IGFL2: variants seen among roughly 807,000 people sequenced by gnomAD.
IGFL2 encodes IGF like family member 2, also known as insulin growth factor-like family member 2.
In IGFL2, 7 loss-of-function variants were observed where a neutral mutation model predicts 13.9. The observed-to-expected ratio is 0.51, with a 90% CI of 0.29 to 0.95. IGFL2 has a LOEUF of 0.95. Ranked by LOEUF, IGFL2 falls within the 40% of genes least tolerant of loss-of-function variation. The pLI is 0.08. For synonymous variants in IGFL2, 55 were observed against 55.8 expected, an observed-to-expected ratio of 0.99 and a Z score of 0.07; for missense variants, 138 against 147.8, an observed-to-expected ratio of 0.93 and a Z score of 0.34.
At chr19:46,153,737 A>G (rs532061198) in intron 1 of IGFL2, among the ~76,000 whole-genome samples, 5 of 151,400 alleles carry the variant, frequency 3.3e-5, no homozygotes, top group Non-Finnish European at 5.9e-5. Flanking sequence ...CTGGATCGCT[A>G]ACTACTCCAG....
At chr19:46,162,240 A>C, downstream of IGFL2, among the ~76,000 whole-genome samples, 1 of 152,076 alleles carries the variant, frequency 6.6e-6, no homozygotes, top group East Asian at 1.9e-4. Context: ...TTTCATTTCA[A>C]CCTTGGAAAA....
At chr19:46,097,301 G>A in the IGFL2 span, among the ~76,000 whole-genome samples, 5 of 152,098 alleles carry the variant, frequency 3.3e-5, no homozygotes, top group African/African-American at 1.2e-4. Flanking sequence ...GTTTATTTGC[G>A]TAGAGGTGTT....
the IGFL2 span, among the ~76,000 whole-genome samples, chr19:46,180,863 C>T: frequency 3.3e-5 from 5 of 152,178 alleles, no homozygotes; most frequent in African/African-American, 1.2e-4. Context: ...AAGGCCTGGA[C>T]GACTCAGCAA....
the IGFL2 span, among the ~76,000 whole-genome samples, chr19:46,132,452 G>T: frequency 7.2e-5 from 11 of 152,312 alleles, no homozygotes; most frequent in African/African-American, 2.6e-4. Context: ...CGTGCTGTCA[G>T]TTCTCTCCTT....
chr19:46,137,325 T>C, the IGFL2 span: 1 of 1,087,270 alleles, frequency 9.2e-7, no homozygotes, highest in Non-Finnish European at 1.4e-6. Flanking sequence ...CTCATTTATC[T>C]GAGAAGCTTG....
chr19:46,154,149 C>T (rs924749728), intron 1 of IGFL2, among the ~76,000 whole-genome samples: 1 of 152,100 alleles, frequency 6.6e-6, no homozygotes, highest in African/African-American at 2.4e-5. Flanking sequence ...CATCCATGTC[C>T]CTGCAAAGGA....
the IGFL2 span, among the ~76,000 whole-genome samples, chr19:46,105,518 A>G: frequency 6.6e-6 from 1 of 152,130 alleles, no homozygotes; most frequent in Non-Finnish European, 1.5e-5. Context: ...GATCAGAGAG[A>G]TACAGTTATG....
the IGFL2 span, among the ~76,000 whole-genome samples, chr19:46,134,685 G>A: frequency 6.6e-6 from 1 of 152,188 alleles, no homozygotes; most frequent in African/African-American, 2.4e-5. Context: ...AGAATCTAAT[G>A]CTCCTACTGA....
the IGFL2 span, among the ~76,000 whole-genome samples, chr19:46,124,901 T>C: frequency 6.6e-6 from 1 of 150,680 alleles, no homozygotes; most frequent in Non-Finnish European, 1.5e-5. Flanking sequence ...GACTGACTCA[T>C]TGCATTCTCC....
chr19:46,204,431 T>C, the IGFL2 span, among the ~76,000 whole-genome samples: 1 of 151,750 alleles, frequency 6.6e-6, no homozygotes, highest in Non-Finnish European at 1.5e-5. Context: ...GGGAATAGGG[T>C]GAGAAAATAT....
intron 1 of IGFL2, among the ~76,000 whole-genome samples, chr19:46,148,589 C>T (rs1027424103): frequency 6.6e-6 from 1 of 152,152 alleles, no homozygotes; most frequent in Admixed American, 6.5e-5. Context: ...ACCAAAGAAA[C>T]TCAGAGACAT....
At chr19:46,198,354 T>G in the IGFL2 span, 2 of 151,612 alleles carry the variant, frequency 1.3e-5, no homozygotes, top group Non-Finnish European at 2.9e-5. Flanking sequence ...CCTCAAGCAA[T>G]TCTTCCTCCT....
At chr19:46,156,049 T>A (rs1973809245) in intron 1 of IGFL2, among the ~76,000 whole-genome samples, 2 of 152,174 alleles carry the variant, frequency 1.3e-5, no homozygotes, top group Admixed American at 1.3e-4. Flanking sequence ...ACTCCTGGGA[T>A]CAAGCAATCC....
intron 1 of IGFL2, among the ~76,000 whole-genome samples, chr19:46,157,376 T>C (rs1344801338): frequency 6.6e-6 from 1 of 152,150 alleles, no homozygotes. Flanking sequence ...CAAAAATCCT[T>C]GACAAAATAT....
the IGFL2 span, among the ~76,000 whole-genome samples, chr19:46,126,166 G>A: frequency 2.4e-4 from 36 of 151,414 alleles, no homozygotes; most frequent in African/African-American, 8.2e-4. Flanking sequence ...ATGTTGAGAC[G>A]TAGACTTTTG....
At chr19:46,092,592 A>C in the IGFL2 span, among the ~76,000 whole-genome samples, 1 of 152,000 alleles carries the variant, frequency 6.6e-6, no homozygotes, top group Non-Finnish European at 1.5e-5. Flanking sequence ...AGATTGCACC[A>C]CTGTACTCTA....
intron 3 of IGFL2, 58 bp from the exon 4 acceptor site, chr19:46,161,012 A>T: frequency 6.4e-6 from 10 of 1,559,248 alleles, no homozygotes; most frequent in Non-Finnish European, 8.7e-6. Context: ...TTTCTCAAAT[A>T]TTTTCAGTTA....
At chr19:46,189,662 C>G in the IGFL2 span, 2 of 152,448 alleles carry the variant, frequency 1.3e-5, no homozygotes, top group African/African-American at 4.8e-5. Flanking sequence ...GGCTCACACT[C>G]TTGTCTTCTG....
At chr19:46,080,430 G>T in the IGFL2 span, among the ~76,000 whole-genome samples, 1 of 152,290 alleles carries the variant, frequency 6.6e-6, no homozygotes, top group East Asian at 1.9e-4. Flanking sequence ...GGAAAGAGGT[G>T]TGAAAACGAC....
Sources: gnomAD v4.1 joint callset for allele counts (sites outside exome capture counted in the v4.1 genomes callset) on GRCh38, gnomAD v4.1.1 for gene constraint, MANE v1.5 for transcripts, NCBI Gene and HGNC (gene_info 2026-07-23, HGNC 2026-07-21) for gene names.